CSMD1: variants seen among roughly 807,000 people sequenced by gnomAD.
CSMD1 encodes the protein CUB and Sushi multiple domains 1.
CSMD1 carries 213 observed loss-of-function variants against 417.5 expected under a neutral mutation model. The observed-to-expected ratio is 0.51, with a 90% CI of 0.46 to 0.57. The LOEUF (loss-of-function observed/expected upper bound fraction) is 0.57, where lower values mean the gene tolerates loss of function less well. CSMD1 is among the 20% of genes least tolerant of loss of function. The pLI is 0.00. For synonymous variants in CSMD1, 2,862 were observed against 1,736.8 expected (o/e 1.65, Z -16.11); for missense variants, 6,923 against 4,529.7 (o/e 1.53, Z -15.17).
chr8:4,232,873 T>A (rs1270226551), intron 3 of CSMD1, among the ~76,000 whole-genome samples: 1 of 152,174 alleles, frequency 6.6e-6, no homozygotes, highest in Non-Finnish European at 1.5e-5. Flanking sequence ...GGCAACAATC[T>A]TGAATAAGTG....
intron 3 of CSMD1, among the ~76,000 whole-genome samples, chr8:4,274,910 A>G (rs187041857): frequency 6.6e-6 from 1 of 152,182 alleles, no homozygotes; most frequent in Non-Finnish European, 1.5e-5. Flanking sequence ...CCAGAAGGAA[A>G]TGTTGTGTCT....
At chr8:3,478,162 C>A (rs559430612) in intron 11 of CSMD1, among the ~76,000 whole-genome samples, 3 of 152,154 alleles carry the variant, frequency 2.0e-5, no homozygotes, top group Non-Finnish European at 2.9e-5. Context: ...TCCATTACAG[C>A]CAGGTGGCAC....
At chr8:3,482,395 C>G (rs1017995730) in intron 11 of CSMD1, among the ~76,000 whole-genome samples, 3 of 152,028 alleles carry the variant, frequency 2.0e-5, no homozygotes, top group Non-Finnish European at 4.4e-5. Context: ...ACAAAGTAGA[C>G]TTAAGGCAAA....
chr8:4,685,028 A>G (rs1257988184), intron 1 of CSMD1, among the ~76,000 whole-genome samples: 2 of 152,222 alleles, frequency 1.3e-5, no homozygotes, highest in African/African-American at 4.8e-5. Context: ...GAAATCAAAT[A>G]TAGCAGCTTC....
intron 3 of CSMD1, among the ~76,000 whole-genome samples, chr8:4,364,239 A>C (rs1480848008): frequency 2.0e-5 from 3 of 152,220 alleles, no homozygotes; most frequent in African/African-American, 4.8e-5. Context: ...TAACATTAAA[A>C]ATGCTTTACA....
chr8:4,154,698 CAAGGAA>C (rs1796740944), intron 3 of CSMD1, among the ~76,000 whole-genome samples: 1 of 152,082 alleles, frequency 6.6e-6, no homozygotes, highest in Admixed American at 6.5e-5. Context: ...TAAAAACGTA[CAAGGAA>C]AAAGAGATCA....
At chr8:4,316,776 A>T (rs915391339) in intron 3 of CSMD1, among the ~76,000 whole-genome samples, 5 of 152,138 alleles carry the variant, frequency 3.3e-5, no homozygotes, top group African/African-American at 1.2e-4. Flanking sequence ...CCCTTTTCAA[A>T]TCCAGAAGTA....
intron 1 of CSMD1, among the ~76,000 whole-genome samples, chr8:4,964,390 G>A (rs1386269696): frequency 6.7e-6 from 1 of 149,828 alleles, no homozygotes; most frequent in Non-Finnish European, 1.5e-5. Flanking sequence ...CTAGTGGCAT[G>A]CACCTGTAGT....
chr8:3,922,793 A>G (rs967137046), intron 5 of CSMD1, among the ~76,000 whole-genome samples: 2 of 152,126 alleles, frequency 1.3e-5, no homozygotes, highest in South Asian at 4.1e-4. Flanking sequence ...TACTTTTAAA[A>G]CTTTTTAATT....
chr8:4,184,482 C>T (rs958228527), intron 3 of CSMD1, among the ~76,000 whole-genome samples: 1 of 152,052 alleles, frequency 6.6e-6, no homozygotes, highest in African/African-American at 2.4e-5. Flanking sequence ...CAATGGCAGA[C>T]TGGATAAAGA....
intron 1 of CSMD1, among the ~76,000 whole-genome samples, chr8:4,799,779 T>A (rs1373638011): frequency 1.3e-5 from 2 of 151,942 alleles, no homozygotes; most frequent in African/African-American, 4.8e-5. Context: ...CGTATAGGAA[T>A]GTCTCTTTAA....
At chr8:2,949,148 AT>A (rs34463754) in intron 68 of CSMD1, 150 bp downstream of exon 68, 76,842 of 546,844 alleles carry the variant, frequency 0.14, 5,826 homozygotes, top group African/African-American at 0.22. Flanking sequence ...ATTCAAAATA[AT>A]TTTTTTTCAT....
intron 26 of CSMD1, among the ~76,000 whole-genome samples, chr8:3,254,383 G>T (rs1462998433): frequency 6.6e-6 from 1 of 152,084 alleles, no homozygotes; most frequent in Admixed American, 6.5e-5. Context: ...GGGTATATTT[G>T]TGGCATTCTC....
chr8:4,799,679 C>T (rs550107711), intron 1 of CSMD1, among the ~76,000 whole-genome samples: 132 of 143,314 alleles, frequency 9.2e-4, no homozygotes, highest in African/African-American at 3.0e-3. Flanking sequence ...ACTTTATTTT[C>T]ACTGCTTTGG....
At chr8:4,038,627 G>C (rs565083950) in intron 3 of CSMD1, among the ~76,000 whole-genome samples, 79 of 152,300 alleles carry the variant, frequency 5.2e-4, no homozygotes, top group African/African-American at 1.8e-3. Flanking sequence ...TACCTACTGA[G>C]TTGACATAAA....
At position 3,861,467 on chromosome 8, in the gene CSMD1, G is replaced by C. The variant is rs572089141; in HGVS notation, c.819-107425C>G. Among the ~76,000 whole-genome samples, 5 of 152,284 alleles carry C rather than the reference G, an allele frequency of 3.3e-5. No individual in the cohort carries two copies. In the South Asian group the frequency reaches 1.0e-3, roughly 32 times the overall value. ...TGAATGAACAACCTATAGCATTTGA[G>C]AGGCCATAGATTTGGACTCGTGAGG... On this transcript the variant is annotated intron_variant, in intron 5 of 69. Coordinates refer to ENST00000635120, the MANE Select transcript of CSMD1 (RefSeq NM_033225.6).
chr8:3,148,552 C>G (rs1440942749), intron 40 of CSMD1, among the ~76,000 whole-genome samples: 1 of 152,164 alleles, frequency 6.6e-6, no homozygotes, highest in East Asian at 1.9e-4. Context: ...AGAACGGAGA[C>G]TTCAAGTTCT....
intron 1 of CSMD1, among the ~76,000 whole-genome samples, chr8:4,819,204 AAAT>A (rs571793898): frequency 1.2e-4 from 18 of 152,212 alleles, no homozygotes; most frequent in Non-Finnish European, 1.3e-4. Flanking sequence ...TTGACAGAAG[AAAT>A]AATAATAACA....
intron 2 of CSMD1, among the ~76,000 whole-genome samples, chr8:4,555,894 G>C (rs963898341): frequency 3.3e-5 from 5 of 152,088 alleles, no homozygotes; most frequent in African/African-American, 4.8e-5. Context: ...AAAAAGTCAA[G>C]TGTATCTTTA....
Sources: allele counts gnomAD v4.1 joint callset (sites outside exome capture counted in the v4.1 genomes callset), GRCh38; gene constraint gnomAD v4.1.1; transcripts MANE v1.5; gene names NCBI Gene and HGNC (gene_info 2026-07-23, HGNC 2026-07-21).